PRPF39: variants seen among roughly 807,000 people sequenced by gnomAD.
PRPF39 encodes pre-mRNA processing factor 39.
PRPF39 carries 27 observed loss-of-function variants against 82.1 expected under a neutral mutation model. The ratio of observed to expected loss-of-function variants is 0.33; its 90% CI spans 0.24 to 0.45. PRPF39 has a LOEUF of 0.45. PRPF39 is among the 20% of genes least tolerant of loss of function. The pLI, the probability that PRPF39 is intolerant of heterozygous loss-of-function variation, is 1.00. For missense variants in PRPF39, 581 were observed against 796.9 expected (o/e 0.73, Z 3.26); for synonymous variants, 261 against 256.4 (o/e 1.02, Z -0.17).
rs771204543 is a variant in PRPF39 at position 45,085,936 on chromosome 14, GAAAA to G, written c.-20+1697_-20+1700del. ...CCTCTACAGGAATAAGAGGCATACA[GAAAA>G]AAAAAAAAAGGTATTAGGTCAAAAG... is the stretch of plus-strand genomic sequence containing the variant. On this transcript the variant is annotated intron_variant, in intron 1 of 13. Transcript: ENST00000355765. 1.4e-4 allele frequency among the ~76,000 whole-genome samples: 20 copies of G among 140,428 alleles called. No individual in the cohort carries two copies. In the South Asian group the frequency reaches 4.3e-3, roughly 30 times the overall value. 92.1% of individuals were successfully genotyped at this position (140,428 alleles called of 152,430 possible). A position where few individuals can be genotyped will look rare whatever the true frequency, so the allele number is the denominator to read the frequency against.
intron 5 of PRPF39, among the ~76,000 whole-genome samples, chr14:45,103,593 G>A (rs1391049768): frequency 1.3e-5 from 2 of 152,006 alleles, no homozygotes; most frequent in African/African-American, 4.8e-5. Flanking sequence ...TGTGCTAAAG[G>A]TAGAAGTTAT....
intron 3 of PRPF39, 120 bp from the exon 4 acceptor site, chr14:45,096,767 A>T: frequency 6.5e-7 from 1 of 1,538,946 alleles, no homozygotes; most frequent in Non-Finnish European, 8.7e-7. Flanking sequence ...TGGTAATGGT[A>T]GATTATTTAA....
intron 1 of PRPF39, among the ~76,000 whole-genome samples, chr14:45,094,841 G>A (rs1170812356): frequency 4.6e-5 from 7 of 152,120 alleles, no homozygotes; most frequent in East Asian, 3.8e-4. Flanking sequence ...AAGATATGCC[G>A]TTTTCCAGTG....
intron 6 of PRPF39, 78 bp from the exon 7 acceptor site, chr14:45,108,337 C>G (rs984424116): frequency 7.2e-7 from 1 of 1,397,412 alleles, no homozygotes; most frequent in Non-Finnish European, 9.4e-7. Flanking sequence ...GTGAATAATA[C>G]TTAAATATAA....
At position 45,103,161 on chromosome 14, in the gene PRPF39, G is replaced by T. The variant is rs534727358; in HGVS notation, c.737+465G>T. 1.6e-4 allele frequency among the ~76,000 whole-genome samples: 25 copies of T among 152,172 alleles called. 1 individual carries two copies. The highest frequency in any genetic ancestry group is 5.8e-4 in the African/African-American group (24 of 41,538). ...GTGAAGGATGCATTTTATATAGTAA[G>T]TAGTATCTATTTTCAAACACTCAGG... is the stretch of plus-strand genomic sequence containing the variant. On this transcript the variant is annotated intron_variant, in intron 5 of 13. Transcript: ENST00000355765.
Position 45,114,090 on chromosome 14 carries a change from T to C in PRPF39, c.1758-93T>C, listed in dbSNP as rs563690449. The stretch of plus-strand genomic sequence containing the variant: ...AAATAAAGGAGCCGCTTAGAAATTT[T>C]CTTAGGCAGTTTCCTAAGTAAAAAC... On this transcript the variant is annotated intron_variant, in intron 11 of 13. Transcript: ENST00000355765. The C allele has an allele frequency of 1.1e-5, 10 of 907,938 alleles. No individual in the cohort carries two copies. In the African/African-American group the frequency reaches 1.7e-4, roughly 16 times the overall value. 56.2% of individuals were successfully genotyped at this position (907,938 alleles called of 1,614,324 possible). A position where few individuals can be genotyped will look rare whatever the true frequency, so the allele number is the denominator to read the frequency against.
chr14:45,097,552 C>T (rs1299424361), intron 4 of PRPF39, among the ~76,000 whole-genome samples: 1 of 152,080 alleles, frequency 6.6e-6, no homozygotes. Flanking sequence ...AATGTTCCTT[C>T]AAAAATGGTA....
chr14:45,114,873 C>T lies in PRPF39; in HGVS notation c.1970C>T (p.Pro657Leu). Residue 657 changes from proline (P) to leucine (L), a missense_variant, in exon 14 of 14, where the codon CCT becomes CTT. Physicochemically the swap from Pro to Leu is moderately conservative, Grantham distance 98. Coordinates refer to ENST00000355765, the MANE Select transcript of PRPF39 (RefSeq NM_017922.4). Reference sequence around the variant, plus strand: ...TCCTTTCAGTACAATTATCAGAATCCTTGGAATTATGGACAATATTATCCT... The same window carrying T: ...TCCTTTCAGTACAATTATCAGAATCTTTGGAATTATGGACAATATTATCCT... ...SAWYQYNYQN[P>L]WNYGQYYPPP... is the part of the protein sequence containing the mutation. 3.7e-6 allele frequency: 6 copies of T among 1,600,436 alleles called. No homozygotes were observed. Among genetic ancestry groups the T allele is most frequent in the Non-Finnish European group, 4.3e-6 (5 of 1,168,194 alleles).
chr14:45,100,073 C>G lies in PRPF39; in HGVS notation c.570-2456C>G, dbSNP rs140655123. The stretch of plus-strand genomic sequence containing the variant: ...TGAAACCCTGTCTCTACTTAAAATA[C>G]AAAAAAATTAGCTGGGCATGCTGGC... On this transcript the variant is annotated intron_variant, in intron 4 of 13. Transcript: ENST00000355765. 3.3e-3 allele frequency among the ~76,000 whole-genome samples: 498 copies of G among 152,096 alleles called. 5 individuals are homozygous for G. Among genetic ancestry groups the G allele is most frequent in the African/African-American group, 0.011 (473 of 41,498 alleles).
At chr14:45,112,582 G>A (rs934721325) in intron 11 of PRPF39, 80 bp downstream of exon 11, 1 of 1,244,110 alleles carries the variant, frequency 8.0e-7, no homozygotes, top group African/African-American at 1.6e-5. Flanking sequence ...GATTAGTATA[G>A]ATTAATACAT....
At chr14:45,100,198 C>G (rs373205946) in intron 4 of PRPF39, among the ~76,000 whole-genome samples, 2 of 152,080 alleles carry the variant, frequency 1.3e-5, no homozygotes, top group South Asian at 2.1e-4. Flanking sequence ...ACATTGCACT[C>G]CAGCCTGGGT....
intron 5 of PRPF39, among the ~76,000 whole-genome samples, chr14:45,105,888 C>A (rs1884515979): frequency 1.3e-5 from 2 of 151,960 alleles, no homozygotes; most frequent in Admixed American, 1.3e-4. Context: ...AGTTGTGAGA[C>A]TAGAGGCTGC....
At chr14:45,090,400 A>G (rs971681389) in intron 1 of PRPF39, among the ~76,000 whole-genome samples, 2 of 151,890 alleles carry the variant, frequency 1.3e-5, no homozygotes, top group African/African-American at 2.4e-5. Flanking sequence ...TTTTTTCTCA[A>G]ATTCTTTTGT....
In PRPF39 at chr14:45,102,655, T is replaced by A; in HGVS notation, c.696T>A (p.Ile232=). 6.2e-7 allele frequency: 1 copy of A among 1,610,866 alleles called. No individual in the cohort carries two copies. The highest frequency in any genetic ancestry group is 8.5e-7 in the Non-Finnish European group (1 of 1,178,644). The change falls in exon 5 of 14, where the codon ATT becomes ATA. Residue 232 remains isoleucine (I), a synonymous_variant. Transcript: ENST00000355765. ...LREVTAIYDR[I]LGIPTQLYSH... ...AAGTTACAGCTATATATGATCGTATTCTTGGTATTCCAACACAGCTGTATA... is the reference window on the plus strand; with the variant it reads ...AAGTTACAGCTATATATGATCGTATACTTGGTATTCCAACACAGCTGTATA...
chr14:45,095,099 G>A, intron 1 of PRPF39, 122 bp from the exon 2 acceptor site: 3 of 576,210 alleles, frequency 5.2e-6, no homozygotes, highest in South Asian at 2.7e-5. Context: ...ACTTGTAGGG[G>A]ATTAAGACTC....
chr14:45,114,418 C>G, intron 12 of PRPF39, 76 bp from the exon 13 acceptor site: 1 of 1,433,346 alleles, frequency 7.0e-7, no homozygotes, highest in Non-Finnish European at 9.4e-7. Flanking sequence ...AACAAATATA[C>G]AGATAACATT....
chr14:45,111,857 C>CA (rs1420844518), intron 10 of PRPF39, among the ~76,000 whole-genome samples: 1 of 151,260 alleles, frequency 6.6e-6, no homozygotes, highest in African/African-American at 2.4e-5. Flanking sequence ...AGGCTGGTCT[C>CA]AAACTCCAGA....
chr14:45,102,077 G>A (rs1482403358), intron 4 of PRPF39, among the ~76,000 whole-genome samples: 2 of 152,016 alleles, frequency 1.3e-5, no homozygotes, highest in Admixed American at 6.6e-5. Context: ...TAAGTGCTGC[G>A]ATTACAGGCA....
rs1884414346 is a variant in PRPF39 at position 45,102,754 on chromosome 14, TTAAG to T, written c.737+61_737+64del. ...TTGATTACTCAGATAGTTGGTAATATTAAGTATTATAATTATCTTGGAATGTTAT... is the reference window on the plus strand; with the variant it reads ...TTGATTACTCAGATAGTTGGTAATATTATTATAATTATCTTGGAATGTTAT... On this transcript the variant is annotated intron_variant, in intron 5 of 13. Transcript: ENST00000355765. The T allele has an allele frequency of 2.1e-6, 3 of 1,404,166 alleles. No individual in the cohort carries two copies. The South Asian group carries it at 4.0e-5, about 19-fold the overall frequency. 87.0% of individuals were successfully genotyped at this position (1,404,166 alleles called of 1,614,324 possible).
Sources: gnomAD v4.1 joint callset for allele counts (sites outside exome capture counted in the v4.1 genomes callset) on GRCh38, gnomAD v4.1.1 for gene constraint, MANE v1.5 for transcripts, NCBI Gene and HGNC (gene_info 2026-07-23, HGNC 2026-07-21) for gene names.